The following TRIM36 variants were observed in gnomAD, a reference collection of about 807,000 sequenced individuals.
The protein encoded by TRIM36 is tripartite motif containing 36, also known as E3 ubiquitin-protein ligase TRIM36.
A neutral mutation model predicts 72.4 loss-of-function variants in TRIM36; 42 were observed. The ratio of observed to expected loss-of-function variants is 0.58; its 90% CI spans 0.45 to 0.75. The LOEUF is 0.75. Among genes scored for constraint, TRIM36 ranks in the 30% least tolerant of loss-of-function variants. The probability of loss-of-function intolerance (pLI) is 0.00; values close to 1 mark genes in which losing one functional copy is unlikely to be tolerated. For missense variants in TRIM36, 913 were observed against 857.1 expected (o/e 1.07, Z -0.81); for synonymous variants, 315 against 282.8 (o/e 1.11, Z -1.14).
intron 2 of TRIM36, among the ~76,000 whole-genome samples, chr5:115,156,292 T>C (rs1053683362): frequency 1.3e-5 from 2 of 150,666 alleles, no homozygotes; most frequent in African/African-American, 2.5e-5. Flanking sequence ...CCATCATTCA[T>C]CACAAATTAA....
chr5:115,145,214 G>A (rs1229880354), intron 3 of TRIM36, among the ~76,000 whole-genome samples: 1 of 152,146 alleles, frequency 6.6e-6, no homozygotes, highest in African/African-American at 2.4e-5. Context: ...TGCTAAAAGA[G>A]TCTCAGAAAA....
In TRIM36 at chr5:115,141,320, T is replaced by A. The variant is rs771346151; in HGVS notation, c.790A>T (p.Ser264Cys). 9 of 1,606,826 alleles carry A rather than the reference T, an allele frequency of 5.6e-6. No homozygotes were observed. In the South Asian group the frequency reaches 6.7e-5, roughly 12 times the overall value. The change falls in exon 5 of 10, where the codon AGT becomes TGT. Residue 264 changes from serine (S) to cysteine (C), a missense_variant. Transcript: ENST00000513154. ...AACAAGTTTAGTTCAGATATTTGAC[T>A]CTTCACCTGGCTTTCCTTACCAATA... ...YLIGKESQVKSQISELNLLMK... is the reference protein window; with the variant it reads ...YLIGKESQVKCQISELNLLMK...
rs1226363656 is a variant in TRIM36, at chr5:115,125,231, T to C, written c.*1272A>G. ...TGATTACTGCTACAATGCATAAAAG[T>C]AGTTTCTGAATATTTTAACCTCAAA... is the stretch of plus-strand genomic sequence containing the variant. On this transcript the variant is annotated 3_prime_UTR_variant, in exon 10 of 10. Coordinates refer to ENST00000513154, the MANE Select transcript of TRIM36 (RefSeq NM_001300759.2). 3 of 152,100 alleles carry C rather than the reference T, an allele frequency of 2.0e-5. No homozygotes were observed. Among genetic ancestry groups the C allele is most frequent in the Non-Finnish European group, 4.4e-5 (3 of 67,966 alleles). 9.4% of individuals were successfully genotyped at this position (152,100 alleles called of 1,614,324 possible). A position where few individuals can be genotyped will look rare whatever the true frequency, so the allele number is the denominator to read the frequency against.
rs1226712834 is a variant in TRIM36 at position 115,126,788 on chromosome 5, G to A, written c.1866C>T (p.Thr622=). ...ATTTCTGCATGCCTATAGTAACTAA[G>A]GTAAATGGTTGTGAAGAATCAAAAC... is the stretch of plus-strand genomic sequence containing the variant. ...DACFDSSQPF[T]LVTIGMQKFF... Residue 622 remains threonine (T), a synonymous_variant, in exon 10 of 10, where the codon ACC becomes ACT. Coordinates refer to ENST00000513154, the MANE Select transcript of TRIM36 (RefSeq NM_001300759.2). 2 of 1,614,110 alleles carry A rather than the reference G, an allele frequency of 1.2e-6. No homozygotes were observed. Among genetic ancestry groups the A allele is most frequent in the East Asian group, 2.2e-5 (1 of 44,874 alleles).
At chr5:115,160,593 T>A (rs1262780246) in intron 2 of TRIM36, among the ~76,000 whole-genome samples, 2 of 152,126 alleles carry the variant, frequency 1.3e-5, no homozygotes, top group East Asian at 3.8e-4. Context: ...ATCCCAGCAC[T>A]TTGGAAGGCC....
intron 4 of TRIM36, among the ~76,000 whole-genome samples, chr5:115,144,015 T>C (rs1323604631): frequency 2.7e-5 from 4 of 150,242 alleles, no homozygotes; most frequent in Admixed American, 2.0e-4. Flanking sequence ...GGACTACAGG[T>C]GCCCGCCACC....
At chr5:115,161,489 C>A (rs1396724712) in intron 2 of TRIM36, among the ~76,000 whole-genome samples, 1 of 152,154 alleles carries the variant, frequency 6.6e-6, no homozygotes, top group Non-Finnish European at 1.5e-5. Flanking sequence ...TGGGTCACAG[C>A]CAAAGACATG....
chr5:115,143,591 C>A (rs1213242594), intron 4 of TRIM36, among the ~76,000 whole-genome samples: 1 of 151,656 alleles, frequency 6.6e-6, no homozygotes, highest in Non-Finnish European at 1.5e-5. Context: ...TTCGTATGTG[C>A]AGAGAAGGTA....
At chr5:115,153,468 T>G (rs1049927856) in intron 2 of TRIM36, among the ~76,000 whole-genome samples, 1 of 152,158 alleles carries the variant, frequency 6.6e-6, no homozygotes, top group African/African-American at 2.4e-5. Flanking sequence ...CTGACAGCCC[T>G]ACACAGGTCA....
rs918108549 is a variant in TRIM36 at position 115,159,031 on chromosome 5, G to A, written c.262+4487C>T. Among the ~76,000 whole-genome samples, 65 of 152,246 alleles carry A rather than the reference G, an allele frequency of 4.3e-4. 1 individual carries two copies. The highest frequency in any genetic ancestry group is 1.5e-3 in the African/African-American group (64 of 41,556). The stretch of plus-strand genomic sequence containing the variant: ...CAATGTTATTTTTAAAGGTCAACTG[G>A]AGTAAAAATAAATTTTAATAAGATA... On this transcript the variant is annotated intron_variant, in intron 2 of 9. Coordinates refer to ENST00000513154, the MANE Select transcript of TRIM36 (RefSeq NM_001300759.2).
chr5:115,167,279 C>A (rs556891392), intron 1 of TRIM36, among the ~76,000 whole-genome samples: 1 of 152,184 alleles, frequency 6.6e-6, no homozygotes, highest in East Asian at 1.9e-4. Context: ...CCTGTTTGGC[C>A]CTGCCAAACG....
At chr5:115,156,311 A>G (rs889418850) in intron 2 of TRIM36, among the ~76,000 whole-genome samples, 3 of 152,102 alleles carry the variant, frequency 2.0e-5, no homozygotes, top group African/African-American at 7.2e-5. Flanking sequence ...AAAAAAAAAA[A>G]ATTCTAAAAT....
chr5:115,166,661 C>G (rs1754792417), intron 1 of TRIM36, among the ~76,000 whole-genome samples: 2 of 152,138 alleles, frequency 1.3e-5, no homozygotes, highest in African/African-American at 4.8e-5. Flanking sequence ...TCAAATACAC[C>G]CTGCTGCTCG....
rs936574773 is a variant in TRIM36 at position 115,125,738 on chromosome 5, T to C, written c.*765A>G. 3 of 152,078 alleles carry C rather than the reference T, an allele frequency of 2.0e-5. No homozygotes were observed. The highest frequency in any genetic ancestry group is 2.9e-5 in the Non-Finnish European group (2 of 67,952). 9.4% of individuals were successfully genotyped at this position (152,078 alleles called of 1,614,324 possible). A position where few individuals can be genotyped will look rare whatever the true frequency, so the allele number is the denominator to read the frequency against. On this transcript the variant is annotated 3_prime_UTR_variant, in exon 10 of 10. Coordinates refer to ENST00000513154, the MANE Select transcript of TRIM36 (RefSeq NM_001300759.2). ...CAGAATAAGAAAAACTAAAGATAAA[T>C]TTCTCTGAAAAAAAGTATATAAAGT...
chr5:115,143,840 A>G (rs1049787962), intron 4 of TRIM36, among the ~76,000 whole-genome samples: 1 of 152,214 alleles, frequency 6.6e-6, no homozygotes, highest in Non-Finnish European at 1.5e-5. Flanking sequence ...AACATCATCA[A>G]TAAAACTAAC....
At chr5:115,140,233 A>C (rs2112812317) in intron 5 of TRIM36, among the ~76,000 whole-genome samples, 1 of 152,330 alleles carries the variant, frequency 6.6e-6, no homozygotes, top group Non-Finnish European at 1.5e-5. Context: ...ACAGTGTCAT[A>C]CTAGCTGGGA....
Position 115,147,248 on chromosome 5 carries a change from C to A in TRIM36, c.409G>T (p.Ala137Ser). ...CACATAATGGCTGTGGCTGCCCTAGCTGCTTGACGATATCTTTCCACAATA... is the reference window on the plus strand; with the variant it reads ...CACATAATGGCTGTGGCTGCCCTAGATGCTTGACGATATCTTTCCACAATA... ...ETIVERYRQAARAATAIMCDL... is the reference protein window; with the variant it reads ...ETIVERYRQASRAATAIMCDL... Residue 137 changes from alanine to serine, a missense_variant, in exon 3 of 10, where the codon GCT (alanine) becomes TCT (serine). Physicochemically the swap from Ala to Ser is moderately conservative, Grantham distance 99 (BLOSUM62 1). Transcript: ENST00000513154. 6.2e-7 allele frequency: 1 copy of A among 1,614,190 alleles called. No homozygotes were observed. Among genetic ancestry groups the A allele is most frequent in the Non-Finnish European group, 8.5e-7 (1 of 1,180,042 alleles).
intron 2 of TRIM36, among the ~76,000 whole-genome samples, chr5:115,160,974 A>G (rs1322265917): frequency 6.6e-6 from 1 of 152,262 alleles, no homozygotes. Context: ...AAGTAACATC[A>G]CATTTGCACT....
intron 7 of TRIM36, among the ~76,000 whole-genome samples, chr5:115,135,994 G>C (rs1412401070): frequency 1.3e-5 from 2 of 151,986 alleles, no homozygotes; most frequent in African/African-American, 4.8e-5. Flanking sequence ...AAATCTTAGG[G>C]AGAGGAATGA....
Sources: allele counts gnomAD v4.1 joint callset (sites outside exome capture counted in the v4.1 genomes callset), GRCh38; gene constraint gnomAD v4.1.1; transcripts MANE v1.5; gene names NCBI Gene and HGNC (gene_info 2026-07-23, HGNC 2026-07-21).